Variants in ANKRD30B observed in about 807,000 individuals in gnomAD.
ANKRD30B encodes ankyrin repeat domain-containing protein 30B.
In ANKRD30B, 144 loss-of-function variants were observed where a neutral mutation model predicts 202.2. The ratio of observed to expected loss-of-function variants is 0.71; its 90% CI spans 0.62 to 0.82. The LOEUF is 0.82. Ranked by LOEUF, ANKRD30B falls within the 40% of genes least tolerant of loss-of-function variation. The probability of loss-of-function intolerance (pLI) is 0.00; values close to 1 mark genes in which losing one functional copy is unlikely to be tolerated. For synonymous variants in ANKRD30B, 508 were observed against 561.3 expected (o/e 0.91, Z 1.34); for missense variants, 1,487 against 1,669.1 (o/e 0.89, Z 1.90).
chr18:14,910,526 A>G, the ANKRD30B span, among the ~76,000 whole-genome samples: 1 of 151,014 alleles, frequency 6.6e-6, no homozygotes, highest in African/African-American at 2.4e-5. Context: ...CCAGCCCTCC[A>G]TTGATGGACA....
At chr18:14,785,737 G>A (rs930530290) in intron 14 of ANKRD30B, among the ~76,000 whole-genome samples, 1 of 152,150 alleles carries the variant, frequency 6.6e-6, no homozygotes, top group Non-Finnish European at 1.5e-5. Flanking sequence ...TGCATGAAAT[G>A]TGAACATCAG....
intron 33 of ANKRD30B, 121 bp downstream of exon 33, chr18:14,828,429 C>T: frequency 1.4e-6 from 1 of 707,992 alleles, no homozygotes; most frequent in Non-Finnish European, 2.3e-6. Flanking sequence ...TAATATTTAT[C>T]ATCTCACATA....
At chr18:14,776,866 C>G (rs936574624) in intron 9 of ANKRD30B, among the ~76,000 whole-genome samples, 11 of 152,100 alleles carry the variant, frequency 7.2e-5, no homozygotes, top group African/African-American at 2.7e-4. Flanking sequence ...TTGTAAAAAT[C>G]ATTCTTATTA....
chr18:14,815,760 C>T (rs546454571), intron 30 of ANKRD30B, among the ~76,000 whole-genome samples: 5 of 152,154 alleles, frequency 3.3e-5, no homozygotes, highest in Non-Finnish European at 7.4e-5. Context: ...AAGTCTGTTG[C>T]AACTAAATTT....
the ANKRD30B span, among the ~76,000 whole-genome samples, chr18:14,890,990 AAAT>A: frequency 6.6e-6 from 1 of 152,024 alleles, no homozygotes; most frequent in African/African-American, 2.4e-5. Flanking sequence ...ATGACACACT[AAAT>A]AAAGTAAAAT....
At chr18:14,855,042 A>C (rs1164987528), downstream of ANKRD30B, among the ~76,000 whole-genome samples, 2 of 152,182 alleles carry the variant, frequency 1.3e-5, no homozygotes, top group African/African-American at 4.8e-5. Flanking sequence ...TCCTAGGCAG[A>C]GGTCCCTGCA....
At chr18:14,829,288 A>G (rs1028760590) in intron 33 of ANKRD30B, among the ~76,000 whole-genome samples, 1 of 152,192 alleles carries the variant, frequency 6.6e-6, no homozygotes, top group African/African-American at 2.4e-5. Context: ...CACATGGAGA[A>G]TCTGAAACTC....
the ANKRD30B span, among the ~76,000 whole-genome samples, chr18:14,909,391 G>A: frequency 1.3e-5 from 2 of 152,218 alleles, no homozygotes; most frequent in South Asian, 2.1e-4. Context: ...TCCTCACCAC[G>A]ATCTAATAAG....
At chr18:14,815,449 T>C (rs1970036857) in intron 30 of ANKRD30B, among the ~76,000 whole-genome samples, 1 of 152,168 alleles carries the variant, frequency 6.6e-6, no homozygotes, top group Non-Finnish European at 1.5e-5. Flanking sequence ...TGGTGGTCCT[T>C]GGACCTCAGA....
the ANKRD30B span, among the ~76,000 whole-genome samples, chr18:14,931,627 T>G: frequency 6.6e-6 from 1 of 152,118 alleles, no homozygotes; most frequent in African/African-American, 2.4e-5. Context: ...AGGAAGGGCC[T>G]CAGTGCTCCC....
intron 5 of ANKRD30B, 26 bp from the exon 6 acceptor site, chr18:14,760,523 GTAATT>G (rs1459803108): frequency 8.4e-7 from 1 of 1,191,458 alleles, no homozygotes; most frequent in African/African-American, 1.6e-5. Flanking sequence ...TGTTAAAATA[GTAATT>G]TTATTTATTA....
At chr18:14,809,651 C>T (rs572634441) in intron 26 of ANKRD30B, among the ~76,000 whole-genome samples, 15 of 151,048 alleles carry the variant, frequency 9.9e-5, no homozygotes, top group Admixed American at 5.3e-4. Context: ...CCTGACTGCA[C>T]GTCCATTCAC....
At position 14,764,089 on chromosome 18, in the gene ANKRD30B, T is replaced by C. The variant is rs1487605182; in HGVS notation, c.1224T>C (p.Asn408=). The C allele has an allele frequency of 7.3e-6, 11 of 1,510,160 alleles. No individual in the cohort carries two copies. The Admixed American group carries it at 2.7e-4, about 37-fold the overall frequency. The allele number at this position is 1,510,160 out of a possible 1,614,324, so 93.5% of individuals were successfully genotyped here. A position where few individuals can be genotyped will look rare whatever the true frequency, so the allele number is the denominator to read the frequency against. Residue 408 remains asparagine, a splice_region_variant and synonymous_variant, in exon 7 of 44, where the codon AAT becomes AAC. Coordinates refer to ENST00000690538, the MANE Select transcript of ANKRD30B (RefSeq NM_001367607.2). ...AAACATCTACAAAAGCAAGTACAAA[T>C]GGTAAGATGCTTGAGTGAACTTTGC... ...TKETSTKAST[N]VDVSSVEPIF...
At chr18:14,778,888 T>C (rs1967548685) in intron 10 of ANKRD30B, among the ~76,000 whole-genome samples, 1 of 152,138 alleles carries the variant, frequency 6.6e-6, no homozygotes, top group Admixed American at 6.5e-5. Context: ...GAAAGCATTA[T>C]ATTGCTTTTA....
At chr18:14,772,384 GT>G (rs61387617) in intron 9 of ANKRD30B, among the ~76,000 whole-genome samples, 156 bp downstream of exon 9, 5,392 of 148,122 alleles carry the variant, frequency 0.036, 288 homozygotes, top group African/African-American at 0.12. Context: ...GATTTAAACA[GT>G]TTTTTTTTTT....
chr18:14,925,997 T>C, the ANKRD30B span, among the ~76,000 whole-genome samples: 1 of 152,194 alleles, frequency 6.6e-6, no homozygotes, highest in Admixed American at 6.5e-5. Context: ...TTTTGGGTTT[T>C]CAGATAAAAA....
chr18:14,904,972 G>A, the ANKRD30B span, among the ~76,000 whole-genome samples: 5 of 152,196 alleles, frequency 3.3e-5, no homozygotes, highest in Non-Finnish European at 7.3e-5. Flanking sequence ...AGGTCATGCA[G>A]ACCTTGCTGA....
chr18:14,769,069 T>C (rs947934702), intron 7 of ANKRD30B, among the ~76,000 whole-genome samples: 3 of 152,220 alleles, frequency 2.0e-5, no homozygotes, highest in African/African-American at 4.8e-5. Flanking sequence ...ATCATCTGAG[T>C]CTTCATAACA....
At chr18:14,861,361 C>T in the ANKRD30B span, among the ~76,000 whole-genome samples, 1 of 152,102 alleles carries the variant, frequency 6.6e-6, no homozygotes, top group Non-Finnish European at 1.5e-5. Flanking sequence ...GACACTTCTG[C>T]TGCCTTTGAG....
Sources: gnomAD v4.1 joint callset for allele counts (sites outside exome capture counted in the v4.1 genomes callset) on GRCh38, gnomAD v4.1.1 for gene constraint, MANE v1.5 for transcripts, NCBI Gene and HGNC (gene_info 2026-07-23, HGNC 2026-07-21) for gene names.